Variants in PLEKHA7 observed in about 807,000 individuals in gnomAD.
The protein encoded by PLEKHA7 is pleckstrin homology domain containing A7.
A neutral mutation model predicts 170.0 loss-of-function variants in PLEKHA7; 104 were observed. The ratio of observed to expected loss-of-function variants is 0.61; its 90% CI spans 0.52 to 0.72. The LOEUF (loss-of-function observed/expected upper bound fraction) is 0.72, where lower values mean the gene tolerates loss of function less well. Ranked by LOEUF, PLEKHA7 falls within the 30% of genes least tolerant of loss-of-function variation. The pLI, the probability that PLEKHA7 is intolerant of heterozygous loss-of-function variation, is 0.00. For missense variants in PLEKHA7, 1,615 were observed against 1,671.7 expected (o/e 0.97, Z 0.59); for synonymous variants, 648 against 660.8 (o/e 0.98, Z 0.30).
At chr11:16,918,436 G>T (rs192596258) in intron 3 of PLEKHA7, among the ~76,000 whole-genome samples, 23 of 152,314 alleles carry the variant, frequency 1.5e-4, no homozygotes, top group African/African-American at 5.3e-4. Context: ...AACTGAAGCA[G>T]CCCAAGCTGG....
At chr11:16,954,467 A>T (rs188668807) in intron 3 of PLEKHA7, among the ~76,000 whole-genome samples, 1 of 151,982 alleles carries the variant, frequency 6.6e-6, no homozygotes, top group Non-Finnish European at 1.5e-5. Flanking sequence ...CCAGGAGTTC[A>T]AGGTTATAGT....
At chr11:16,827,252 A>T (rs1047125040) in intron 9 of PLEKHA7, among the ~76,000 whole-genome samples, 1 of 152,246 alleles carries the variant, frequency 6.6e-6, no homozygotes, top group Non-Finnish European at 1.5e-5. Context: ...TGTGAATAGC[A>T]ACCTGTTTCT....
chr11:16,989,576 A>ATGCAG, intron 3 of PLEKHA7, among the ~76,000 whole-genome samples: 1 of 152,248 alleles, frequency 6.6e-6, no homozygotes, highest in Admixed American at 6.5e-5. Flanking sequence ...TACTGCTTTC[A>ATGCAG]TGTCACACAG....
chr11:16,929,251 G>C (rs1050068164), intron 3 of PLEKHA7, among the ~76,000 whole-genome samples: 5 of 152,118 alleles, frequency 3.3e-5, no homozygotes, highest in Admixed American at 2.0e-4. Context: ...AGGATACCAT[G>C]CAGGAAAAAC....
chr11:16,884,587 A>T (rs948226850), intron 3 of PLEKHA7, among the ~76,000 whole-genome samples: 9 of 152,184 alleles, frequency 5.9e-5, no homozygotes, highest in Non-Finnish European at 1.2e-4. Flanking sequence ...GTGAGCCGAG[A>T]TTGCATCACT....
At chr11:16,892,979 C>G (rs538203595) in intron 3 of PLEKHA7, among the ~76,000 whole-genome samples, 44 of 152,236 alleles carry the variant, frequency 2.9e-4, no homozygotes, top group African/African-American at 1.1e-3. Context: ...AACAAGTTCC[C>G]TAGGGCCCCT....
chr11:16,899,410 T>G (rs894113222), intron 3 of PLEKHA7, among the ~76,000 whole-genome samples: 3 of 152,100 alleles, frequency 2.0e-5, no homozygotes, highest in Non-Finnish European at 4.4e-5. Context: ...GGAAGGAGAA[T>G]CGCTTGAACC....
intron 3 of PLEKHA7, among the ~76,000 whole-genome samples, chr11:16,887,255 TGGG>T (rs1466142427): frequency 6.6e-6 from 1 of 151,870 alleles, no homozygotes; most frequent in African/African-American, 2.4e-5. Flanking sequence ...AAGACCAGCA[TGGG>T]CAATATGGCA....
rs919570209 is a variant in PLEKHA7 at position 16,778,424 on chromosome 11, G to A, written c.*574C>T. 1 of 155,720 alleles carries A rather than the reference G, an allele frequency of 6.4e-6. No individual in the cohort carries two copies. The highest frequency in any genetic ancestry group is 1.4e-5 in the Non-Finnish European group (1 of 70,036). 9.6% of individuals were successfully genotyped at this position (155,720 alleles called of 1,614,324 possible). On this transcript the variant is annotated 3_prime_UTR_variant, in exon 27 of 27. Coordinates refer to ENST00000531066, the MANE Select transcript of PLEKHA7 (RefSeq NM_001329630.2). ...GGCAAGGCACAGACTTGGGCTCCAC[G>A]TGTGATCCTCGTGGAGTTTCACACA... is the stretch of plus-strand genomic sequence containing the variant.
intron 3 of PLEKHA7, among the ~76,000 whole-genome samples, chr11:16,972,846 A>G (rs1862808906): frequency 6.6e-6 from 1 of 152,234 alleles, no homozygotes; most frequent in Non-Finnish European, 1.5e-5. Context: ...ATAAATGCCT[A>G]AAAAACTAGA....
rs1005567504 is a variant in PLEKHA7, at chr11:16,895,252, A to G, written c.222-24070T>C. On this transcript the variant is annotated intron_variant, in intron 3 of 26. Transcript: ENST00000531066. ...CTCCTCATTTGTGTCTAGAAGTCCC[A>G]GCAATCAGGCATGGACACTGACTGG... Among the ~76,000 whole-genome samples the G allele has an allele frequency of 3.9e-5, 6 of 152,324 alleles. No individual in the cohort carries two copies. In the South Asian group the frequency reaches 1.2e-3, roughly 32 times the overall value.
At chr11:16,881,914 C>T (rs1039996308) in intron 3 of PLEKHA7, among the ~76,000 whole-genome samples, 5 of 152,128 alleles carry the variant, frequency 3.3e-5, no homozygotes, top group African/African-American at 9.7e-5. Context: ...CTCTCAGCAC[C>T]GATTTAACCA....
intron 3 of PLEKHA7, among the ~76,000 whole-genome samples, chr11:16,964,738 G>C (rs1449076922): frequency 2.6e-5 from 4 of 152,230 alleles, no homozygotes; most frequent in Non-Finnish European, 5.9e-5. Context: ...CTCTCTTACA[G>C]GGCACTGCGC....
At chr11:16,951,740 T>C (rs544891954) in intron 3 of PLEKHA7, among the ~76,000 whole-genome samples, 2 of 152,322 alleles carry the variant, frequency 1.3e-5, no homozygotes, top group Admixed American at 6.5e-5. Flanking sequence ...GGAATGCCTC[T>C]TGGAAGAGCT....
Position 16,790,857 on chromosome 11 carries a change from G to A in PLEKHA7, c.2993C>T (p.Ala998Val), listed in dbSNP as rs1240971074. Reference protein sequence around the residue: ...PELATLSGDMAQPSLGLVGPE... With the variant: ...PELATLSGDMVQPSLGLVGPE... ...GCCCACAAGTCCTAGGGAGGGCTGG[G>A]CCATGTCCCCGCTGAGGGTCGCCAG... The change falls in exon 21 of 27, where the codon GCC (alanine) becomes GTC (valine). Residue 998 changes from alanine to valine, a missense_variant. Transcript: ENST00000531066. 6.2e-7 allele frequency: 1 copy of A among 1,610,776 alleles called. No individual in the cohort carries two copies. The highest frequency in any genetic ancestry group is 1.1e-5 in the South Asian group (1 of 90,520).
chr11:16,892,432 G>GTGTGTGTGTTTTGTTTTGTTT (rs1554964931), intron 3 of PLEKHA7, among the ~76,000 whole-genome samples: 2 of 114,946 alleles, frequency 1.7e-5, no homozygotes, highest in South Asian at 2.8e-4. Context: ...GTGTGTGTGT[G>GTGTGTGTGTTTTGTTTTGTTT]TGTTTTGTTT....
At chr11:16,847,842 CAAAAA>C (rs35191685) in intron 8 of PLEKHA7, among the ~76,000 whole-genome samples, 50 of 101,434 alleles carry the variant, frequency 4.9e-4, no homozygotes, top group African/African-American at 1.5e-3. Context: ...AATTCTGTCT[CAAAAA>C]AAAAAAAAAA....
At chr11:16,850,697 C>A (rs1383891374) in intron 8 of PLEKHA7, among the ~76,000 whole-genome samples, 1 of 152,214 alleles carries the variant, frequency 6.6e-6, no homozygotes, top group African/African-American at 2.4e-5. Context: ...GCCTGGAAAT[C>A]TTCTATGATC....
At chr11:16,782,223 G>A (rs1468712176) in intron 26 of PLEKHA7, among the ~76,000 whole-genome samples, 2 of 151,948 alleles carry the variant, frequency 1.3e-5, no homozygotes, top group Non-Finnish European at 2.9e-5. Context: ...CAATTGGACT[G>A]CAAAGTCCCA....
Sources: gnomAD v4.1 joint callset for allele counts (sites outside exome capture counted in the v4.1 genomes callset) on GRCh38, gnomAD v4.1.1 for gene constraint, MANE v1.5 for transcripts, NCBI Gene and HGNC (gene_info 2026-07-23, HGNC 2026-07-21) for gene names.